The following IGF1R variants were observed in gnomAD, a reference collection of about 807,000 sequenced individuals.
IGF1R encodes insulin-like growth factor 1 receptor.
In IGF1R, 44 loss-of-function variants were observed where a neutral mutation model predicts 144.6. That is an observed-to-expected ratio of 0.30 (90% confidence interval 0.24 to 0.39). The LOEUF is 0.39. Among genes scored for constraint, IGF1R ranks in the 10% least tolerant of loss-of-function variants. IGF1R has a pLI of 1.00. For missense variants in IGF1R, 1,355 were observed against 1,833.7 expected (o/e 0.74, Z 4.77); for synonymous variants, 795 against 722.8 (o/e 1.10, Z -1.60).
chr15:98,780,708 C>G (rs2055842416), intron 2 of IGF1R, among the ~76,000 whole-genome samples: 1 of 152,120 alleles, frequency 6.6e-6, no homozygotes, highest in Admixed American at 6.5e-5. Context: ...TCATGCCTCA[C>G]TATTCACTTT....
At chr15:98,868,379 G>GT (rs1359439488) in intron 2 of IGF1R, among the ~76,000 whole-genome samples, 7 of 137,718 alleles carry the variant, frequency 5.1e-5, no homozygotes, top group South Asian at 2.4e-4. Context: ...TTGGGGGGGG[G>GT]GTCCTTTAGA....
In IGF1R at chr15:98,905,669, G is replaced by GA. The variant is rs869074593; in HGVS notation, c.1248-3001dup. ...ACAGAGTGAGACCCTGTCTCAAGGG[G>GA]AAAAAAAAAAAAAAACCTAATTTTT... is the stretch of plus-strand genomic sequence containing the variant. On this transcript the variant is annotated intron_variant, in intron 5 of 20. Coordinates refer to ENST00000650285, the MANE Select transcript of IGF1R (RefSeq NM_000875.5). Among the ~76,000 whole-genome samples, 1,057 of 124,948 alleles carry GA rather than the reference G, an allele frequency of 8.5e-3. 2 individuals carry two copies. Among genetic ancestry groups the GA allele is most frequent in the East Asian group, 0.013 (56 of 4,358 alleles). The allele number at this position is 124,948 out of a possible 152,430, so 82.0% of individuals were successfully genotyped here.
intron 2 of IGF1R, among the ~76,000 whole-genome samples, chr15:98,805,505 T>TGTGTGTG (rs772068814): frequency 6.7e-6 from 1 of 150,024 alleles, no homozygotes; most frequent in Non-Finnish European, 1.5e-5. Context: ...GTGTGTATGG[T>TGTGTGTG]GTGTGTGTGT....
chr15:98,699,097 G>C (rs753870138), intron 1 of IGF1R, among the ~76,000 whole-genome samples: 7 of 152,236 alleles, frequency 4.6e-5, no homozygotes, highest in Non-Finnish European at 1.0e-4. Context: ...ACGAGAGAGA[G>C]GGAAAGGAAG....
intron 2 of IGF1R, among the ~76,000 whole-genome samples, chr15:98,753,165 C>T (rs1567111228): frequency 6.6e-6 from 1 of 151,562 alleles, no homozygotes; most frequent in Non-Finnish European, 1.5e-5. Context: ...ATCTCCTGAC[C>T]TCGTGATCAC....
In IGF1R at chr15:98,961,372, C is replaced by A. The variant is rs2017219384; in HGVS notation, c.*3930C>A. On this transcript the variant is annotated 3_prime_UTR_variant, in exon 21 of 21. Transcript: ENST00000650285. ...AGTAGAAAACACTAACAGTGTAGTGCCCATCATAGCAAATGCTTCAGAAAC... is the reference window on the plus strand; with the variant it reads ...AGTAGAAAACACTAACAGTGTAGTGACCATCATAGCAAATGCTTCAGAAAC... 4.3e-6 allele frequency: 1 copy of A among 233,306 alleles called. No individual in the cohort carries two copies. Among genetic ancestry groups the A allele is most frequent in the Non-Finnish European group, 8.5e-6 (1 of 117,934 alleles). 14.5% of individuals were successfully genotyped at this position (233,306 alleles called of 1,614,324 possible). A position where few individuals can be genotyped will look rare whatever the true frequency, so the allele number is the denominator to read the frequency against.
rs1177261268 is a variant in IGF1R at position 98,964,427 on chromosome 15, C to CT, written c.*6986dup. 4.4e-6 allele frequency: 1 copy of CT among 228,382 alleles called. No homozygotes were observed. The highest frequency in any genetic ancestry group is 8.7e-6 in the Non-Finnish European group (1 of 114,964). 14.1% of individuals were successfully genotyped at this position (228,382 alleles called of 1,614,324 possible). ...TTACATAATGGAAAAAAGAAACTGT[C>CT]TATTTTGAATGGCTGAAGCTAAGGC... On this transcript the variant is annotated 3_prime_UTR_variant, in exon 21 of 21. Transcript: ENST00000650285.
At position 98,891,962 on chromosome 15, in the gene IGF1R, C is replaced by G. The variant is rs2013946098; in HGVS notation, c.953+325C>G. ...ACTTGCCAAGCTGCCATCTAAGAGA[C>G]AGGGAACTGTAGTTTTGGATTTTCC... On this transcript the variant is annotated intron_variant, in intron 3 of 20. Transcript: ENST00000650285. The surrounding 1 kb of genome is among the most constrained non-coding windows in gnomAD (Gnocchi z 4.7). 6.6e-6 allele frequency among the ~76,000 whole-genome samples: 1 copy of G among 152,126 alleles called. No homozygotes were observed. Among genetic ancestry groups the G allele is most frequent in the Non-Finnish European group, 1.5e-5 (1 of 68,040 alleles).
At chr15:98,678,251 C>T (rs1364308361) in intron 1 of IGF1R, among the ~76,000 whole-genome samples, 3 of 152,018 alleles carry the variant, frequency 2.0e-5, no homozygotes, top group Non-Finnish European at 4.4e-5. Context: ...GTTTAAATTC[C>T]TAATTAAATT....
intron 3 of IGF1R, among the ~76,000 whole-genome samples, chr15:98,892,157 G>A (rs2013955915): frequency 6.6e-6 from 1 of 152,178 alleles, no homozygotes; most frequent in African/African-American, 2.4e-5. Flanking sequence ...TTTTCCATCA[G>A]CACTTCCTTC....
intron 2 of IGF1R, among the ~76,000 whole-genome samples, chr15:98,885,292 G>C (rs2013584898): frequency 6.6e-6 from 1 of 152,236 alleles, no homozygotes; most frequent in African/African-American, 2.4e-5. Flanking sequence ...GCTGAGCTAA[G>C]TCCTTTCTGG....
At chr15:98,651,395 C>T (rs1004262569) in intron 1 of IGF1R, among the ~76,000 whole-genome samples, 1 of 152,158 alleles carries the variant, frequency 6.6e-6, no homozygotes, top group Non-Finnish European at 1.5e-5. Context: ...CTCGATTGGG[C>T]GAAAGCCTTC....
chr15:98,685,408 C>G (rs901325887), intron 1 of IGF1R, among the ~76,000 whole-genome samples: 2 of 152,148 alleles, frequency 1.3e-5, no homozygotes, highest in African/African-American at 4.8e-5. Context: ...CTGTAACTTA[C>G]TAGAGGACAG....
At chr15:98,836,381 G>T (rs2057102430) in intron 2 of IGF1R, among the ~76,000 whole-genome samples, 1 of 152,046 alleles carries the variant, frequency 6.6e-6, no homozygotes, top group Non-Finnish European at 1.5e-5. Context: ...GTAGCCAGCA[G>T]TGGTGGCACG....
chr15:98,907,447 C>T (rs777857337), intron 5 of IGF1R, among the ~76,000 whole-genome samples: 9 of 152,194 alleles, frequency 5.9e-5, no homozygotes, highest in Non-Finnish European at 1.0e-4. Flanking sequence ...GTTCTTTCTC[C>T]TTTGTGTGTT....
chr15:98,747,438 C>T (rs1454252357), intron 2 of IGF1R, among the ~76,000 whole-genome samples: 4 of 152,110 alleles, frequency 2.6e-5, no homozygotes, highest in Non-Finnish European at 4.4e-5. Context: ...CCTGGTGATC[C>T]GCCCGCCTCG....
At position 98,781,206 on chromosome 15, in the gene IGF1R, C is replaced by A. The variant is rs137924738; in HGVS notation, c.640+73099C>A. Among the ~76,000 whole-genome samples the A allele has an allele frequency of 2.9e-3, 444 of 152,242 alleles. 3 individuals are homozygous for A. Among genetic ancestry groups the A allele is most frequent in the African/African-American group, 0.01 (429 of 41,540 alleles). On this transcript the variant is annotated intron_variant, in intron 2 of 20. Transcript: ENST00000650285. ...GGAATATTATCAATGTCACTTCTTCCCAAATTGATTTATAATTTAAAAACA... is the reference window on the plus strand; with the variant it reads ...GGAATATTATCAATGTCACTTCTTCACAAATTGATTTATAATTTAAAAACA...
intron 20 of IGF1R, among the ~76,000 whole-genome samples, chr15:98,950,271 G>C (rs1386524721): frequency 6.6e-6 from 1 of 152,238 alleles, no homozygotes; most frequent in Non-Finnish European, 1.5e-5. Flanking sequence ...AACCAGACAT[G>C]TGTCAGGTGG....
At chr15:98,661,956 CTTTTTTTTTTTTTT>C (rs869208651) in intron 1 of IGF1R, among the ~76,000 whole-genome samples, 1 of 105,750 alleles carries the variant, frequency 9.5e-6, no homozygotes, top group Non-Finnish European at 1.8e-5. Context: ...GAATAGGGCC[CTTTTTTTTTTTTTT>C]TTTTTTTTTT....
Sources: gnomAD v4.1 joint callset for allele counts (sites outside exome capture counted in the v4.1 genomes callset) on GRCh38, gnomAD v4.1.1 for gene constraint, Gnocchi (gnomAD v3.1) non-coding constraint, MANE v1.5 for transcripts, NCBI Gene and HGNC (gene_info 2026-07-23, HGNC 2026-07-21) for gene names.